Variants in PKD1L1 observed in about 807,000 individuals in gnomAD.
PKD1L1 encodes polycystin 1 like 1, transient receptor potential channel interacting.
Under a neutral mutation model 323.4 loss-of-function variants are expected in PKD1L1, and 236 were observed. That is an observed-to-expected ratio of 0.73 (90% CI 0.66 to 0.81). The LOEUF (loss-of-function observed/expected upper bound fraction) is 0.81, where lower values mean the gene tolerates loss of function less well. Ranked by LOEUF, PKD1L1 falls within the 40% of genes least tolerant of loss-of-function variation. The probability of loss-of-function intolerance (pLI) is 0.00; values close to 1 mark genes in which losing one functional copy is unlikely to be tolerated. For synonymous variants in PKD1L1, 1,344 were observed against 1,335.0 expected, an observed-to-expected ratio of 1.01 and a Z score of -0.15; for missense variants, 3,320 against 3,508.0, an observed-to-expected ratio of 0.95 and a Z score of 1.35.
chr7:47,902,076 C>T (rs1003206835), intron 13 of PKD1L1, among the ~76,000 whole-genome samples: 2 of 139,476 alleles, frequency 1.4e-5, no homozygotes, highest in East Asian at 3.9e-4. Flanking sequence ...AAGAAAAGAG[C>T]TCCTTAAAGT....
the PKD1L1 span, among the ~76,000 whole-genome samples, chr7:47,958,569 A>C: frequency 6.6e-6 from 1 of 152,218 alleles, no homozygotes; most frequent in Non-Finnish European, 1.5e-5. Flanking sequence ...CACAGGCAAC[A>C]AAAGCAAACA....
Position 47,775,096 on chromosome 7 carries a change from G to C in PKD1L1, c.*47C>G, listed in dbSNP as rs1159719143. The C allele has an allele frequency of 1.2e-6, 2 of 1,601,384 alleles. No individual in the cohort carries two copies. Among genetic ancestry groups the C allele is most frequent in the African/African-American group, 1.3e-5 (1 of 74,218 alleles). On this transcript the variant is annotated 3_prime_UTR_variant, in exon 57 of 57. Transcript: ENST00000289672. Reference sequence around the variant, plus strand: ...TCTGCTAAAATTGGCTGTTGGGTGGGTTAAGCAAAACAGGGTCCATAGTGC... The same window carrying C: ...TCTGCTAAAATTGGCTGTTGGGTGGCTTAAGCAAAACAGGGTCCATAGTGC...
At chr7:47,829,025 G>C (rs1785290012) in intron 44 of PKD1L1, among the ~76,000 whole-genome samples, 1 of 152,168 alleles carries the variant, frequency 6.6e-6, no homozygotes, top group African/African-American at 2.4e-5. Context: ...CTGAATAAAA[G>C]AAGGAAGAAA....
the PKD1L1 span, among the ~76,000 whole-genome samples, chr7:47,958,637 G>A: frequency 1.2e-4 from 18 of 152,182 alleles, no homozygotes; most frequent in African/African-American, 4.1e-4. Context: ...GGAAACAACC[G>A]ATAGTGAAGC....
At chr7:47,853,782 AAACACC>A (rs1785836787) in intron 30 of PKD1L1, among the ~76,000 whole-genome samples, 1 of 150,366 alleles carries the variant, frequency 6.7e-6, no homozygotes, top group African/African-American at 2.4e-5. Context: ...AAAAAAAAAA[AAACACC>A]AAAAACCAAA....
At chr7:47,786,725 C>T (rs1248243630) in intron 56 of PKD1L1, among the ~76,000 whole-genome samples, 2 of 152,212 alleles carry the variant, frequency 1.3e-5, no homozygotes, top group African/African-American at 4.8e-5. Flanking sequence ...GCCTAGCCAG[C>T]TCCTGCAAAG....
rs113864956 is a variant in PKD1L1, at chr7:47,795,656, C to T, written c.8355+333G>A. 8.3e-3 allele frequency among the ~76,000 whole-genome samples: 1,262 copies of T among 152,208 alleles called. 21 individuals are homozygous for T. The highest frequency in any genetic ancestry group is 0.028 in the African/African-American group (1,162 of 41,510). ...ATAGAAGTTTGGGTTTGATAGCAGG[C>T]ACCAAAAGCAAATGACTAACTCAGG... On this transcript the variant is annotated intron_variant, in intron 55 of 56. Transcript: ENST00000289672.
chr7:47,841,546 G>T (rs1785563861), intron 34 of PKD1L1, among the ~76,000 whole-genome samples: 1 of 152,140 alleles, frequency 6.6e-6, no homozygotes, highest in Non-Finnish European at 1.5e-5. Context: ...GATTTAATTG[G>T]ATTTAACCTC....
chr7:47,951,089 GT>G (rs368712701), upstream of PKD1L1, among the ~76,000 whole-genome samples: 502 of 152,330 alleles, frequency 3.3e-3, 2 homozygotes, highest in African/African-American at 0.011. Context: ...AAAACGTCGA[GT>G]TTTGAAAACT....
chr7:47,885,442 A>G (rs1272887060), intron 18 of PKD1L1, among the ~76,000 whole-genome samples: 2 of 152,204 alleles, frequency 1.3e-5, no homozygotes, highest in South Asian at 2.1e-4. Flanking sequence ...GACACTGCAC[A>G]CACGGGACCT....
At chr7:47,807,092 TG>T in intron 52 of PKD1L1, among the ~76,000 whole-genome samples, 1 of 152,112 alleles carries the variant, frequency 6.6e-6, no homozygotes, top group Non-Finnish European at 1.5e-5. Context: ...AGGCTTCTGC[TG>T]TCCCTGCCAA....
In PKD1L1 at chr7:47,929,209, G is replaced by A. The variant is rs1174443223; in HGVS notation, c.1055C>T (p.Ser352Leu). Residue 352 changes from serine (S) to leucine (L), a missense_variant, in exon 7 of 57, where the codon TCA becomes TTA. Ser to Leu is a moderately radical substitution (Grantham distance 145). Transcript: ENST00000289672. ...AAGGACACCATGCACCTTACCTTTTGAGTACTGGTGGTAGGCAGTCACCGC... is the reference window on the plus strand; with the variant it reads ...AAGGACACCATGCACCTTACCTTTTAAGTACTGGTGGTAGGCAGTCACCGC... The part of the protein sequence containing the change: ...AMAVTAYHQY[S>L]KGIFFHLLHF... 1.2e-6 allele frequency: 2 copies of A among 1,613,572 alleles called. No homozygotes were observed. Among genetic ancestry groups the A allele is most frequent in the Non-Finnish European group, 8.5e-7 (1 of 1,179,602 alleles).
intron 56 of PKD1L1, among the ~76,000 whole-genome samples, chr7:47,782,893 T>C (rs1254156606): frequency 6.6e-6 from 1 of 152,196 alleles, no homozygotes; most frequent in Non-Finnish European, 1.5e-5. Flanking sequence ...CTGTACTAGA[T>C]TTTACCAAAG....
the PKD1L1 span, among the ~76,000 whole-genome samples, chr7:47,953,777 C>T: frequency 1.3e-5 from 2 of 152,218 alleles, no homozygotes; most frequent in African/African-American, 2.4e-5. Context: ...AAGCACTTCC[C>T]TCACGAGGGC....
At chr7:47,919,371 G>A (rs990181723) in intron 7 of PKD1L1, among the ~76,000 whole-genome samples, 2 of 152,076 alleles carry the variant, frequency 1.3e-5, no homozygotes, top group African/African-American at 2.4e-5. Flanking sequence ...CACTGAGATT[G>A]AAATGTTAAT....
chr7:47,776,559 A>T (rs961065276), intron 56 of PKD1L1, among the ~76,000 whole-genome samples: 9 of 152,292 alleles, frequency 5.9e-5, no homozygotes, highest in Admixed American at 2.0e-4. Flanking sequence ...GGATTGTGAG[A>T]TGGCTGAGGA....
chr7:47,952,455 G>A (rs533652746), upstream of PKD1L1, among the ~76,000 whole-genome samples: 5 of 152,294 alleles, frequency 3.3e-5, no homozygotes, highest in Non-Finnish European at 5.9e-5. Flanking sequence ...CGCCCCATGG[G>A]CTGGAGCAGT....
At chr7:47,948,738 A>C (rs1788152434), upstream of PKD1L1, among the ~76,000 whole-genome samples, 1 of 152,174 alleles carries the variant, frequency 6.6e-6, no homozygotes, top group African/African-American at 2.4e-5. Context: ...TGGGTGGATC[A>C]CTTGAGGCCA....
At chr7:47,889,708 G>T (rs1786766750) in intron 16 of PKD1L1, among the ~76,000 whole-genome samples, 1 of 152,146 alleles carries the variant, frequency 6.6e-6, no homozygotes, top group African/African-American at 2.4e-5. Context: ...TAACTGCCCA[G>T]CCCCCTTGCC....
Sources: allele counts gnomAD v4.1 joint callset (sites outside exome capture counted in the v4.1 genomes callset), GRCh38; gene constraint gnomAD v4.1.1; transcripts MANE v1.5; gene names NCBI Gene and HGNC (gene_info 2026-07-23, HGNC 2026-07-21).